The following CACNA2D1 variants were observed in gnomAD, a reference collection of about 807,000 sequenced individuals.
CACNA2D1 encodes voltage-dependent calcium channel subunit alpha-2/delta-1.
In CACNA2D1, 53 loss-of-function variants were observed where a neutral mutation model predicts 171.5. The ratio of observed to expected loss-of-function variants is 0.31; its 90% CI spans 0.25 to 0.39. The LOEUF is 0.39. Ranked by LOEUF, CACNA2D1 falls within the 10% of genes least tolerant of loss-of-function variation. The pLI is 1.00. For synonymous variants in CACNA2D1, 442 were observed against 443.1 expected (o/e 1.00, Z 0.03); for missense variants, 903 against 1,299.8 (o/e 0.69, Z 4.69).
chr7:81,951,971 T>TTTTTTTTTTTTGTTTTG (rs1554321674), intron 38 of CACNA2D1, among the ~76,000 whole-genome samples: 3 of 130,664 alleles, frequency 2.3e-5, no homozygotes, highest in Non-Finnish European at 5.1e-5. Context: ...TACAAAGTGT[T>TTTTTTTTTTTTGTTTTG]TTTTTTTTTT....
At chr7:82,322,268 G>A (rs1305648427) in intron 3 of CACNA2D1, among the ~76,000 whole-genome samples, 1 of 150,562 alleles carries the variant, frequency 6.6e-6, no homozygotes, top group East Asian at 2.0e-4. Context: ...TCAACTGCAA[G>A]AGATGAAAAG....
At chr7:82,346,704 A>C (rs968800920) in intron 2 of CACNA2D1, among the ~76,000 whole-genome samples, 4 of 152,224 alleles carry the variant, frequency 2.6e-5, no homozygotes, top group African/African-American at 9.6e-5. Context: ...TTGAAAAAAA[A>C]AATCAAATGG....
chr7:81,987,250 C>T (rs1797064776), intron 21 of CACNA2D1, among the ~76,000 whole-genome samples: 2 of 152,126 alleles, frequency 1.3e-5, no homozygotes, highest in African/African-American at 4.8e-5. Context: ...AGATCTTTAT[C>T]AACATTCCTA....
At chr7:82,377,775 G>C (rs1335950925) in intron 1 of CACNA2D1, among the ~76,000 whole-genome samples, 1 of 152,270 alleles carries the variant, frequency 6.6e-6, no homozygotes, top group Admixed American at 6.5e-5. Context: ...TGCATAGAGA[G>C]GAAAGCCCAA....
chr7:82,248,374 C>G (rs754292221), intron 3 of CACNA2D1, among the ~76,000 whole-genome samples: 2 of 152,080 alleles, frequency 1.3e-5, no homozygotes, highest in Non-Finnish European at 2.9e-5. Flanking sequence ...GAGAGGACAG[C>G]TCTTTAACCC....
At chr7:82,371,730 A>G (rs1425721164) in intron 1 of CACNA2D1, among the ~76,000 whole-genome samples, 1 of 152,012 alleles carries the variant, frequency 6.6e-6, no homozygotes, top group Non-Finnish European at 1.5e-5. Context: ...GCACACCACC[A>G]TCCCCGGCTA....
rs553231287 is a variant in CACNA2D1, at chr7:82,022,607, C to T, written c.1144-8128G>A. Among the ~76,000 whole-genome samples the T allele has an allele frequency of 3.9e-5, 6 of 151,962 alleles. No homozygotes were observed. In the South Asian group the frequency reaches 8.3e-4, roughly 21 times the overall value. On this transcript the variant is annotated intron_variant, in intron 12 of 38. Coordinates refer to ENST00000356860, the MANE Select transcript of CACNA2D1 (RefSeq NM_000722.4). ...TATTTTCCATGGATTATTTTCCTTA[C>T]TATCTGTTGAAAAACTGACAATGTT...
At chr7:82,335,624 G>A (rs558227436) in intron 2 of CACNA2D1, among the ~76,000 whole-genome samples, 34 of 152,232 alleles carry the variant, frequency 2.2e-4, no homozygotes, top group Admixed American at 9.2e-4. Context: ...AGCATGGGAG[G>A]TCAAACCTGG....
chr7:82,130,298 CTT>C (rs1344371847), intron 5 of CACNA2D1, among the ~76,000 whole-genome samples: 5 of 152,062 alleles, frequency 3.3e-5, no homozygotes, highest in African/African-American at 1.2e-4. Context: ...GAAGGAGAAA[CTT>C]TCATTTCACT....
At chr7:81,965,518 C>G in intron 32 of CACNA2D1, 76 bp downstream of exon 32, 1 of 817,048 alleles carries the variant, frequency 1.2e-6, no homozygotes, top group Non-Finnish European at 2.2e-6. Context: ...TTCTAAAACA[C>G]TGAAAGAGGT....
chr7:82,080,051 A>ACG (rs1323245650), intron 7 of CACNA2D1, among the ~76,000 whole-genome samples: 2 of 54,798 alleles, frequency 3.6e-5, no homozygotes, highest in Non-Finnish European at 7.4e-5. Flanking sequence ...AAAAATATAT[A>ACG]TGTGTGTATA....
At chr7:82,288,135 C>T (rs974261738) in intron 3 of CACNA2D1, among the ~76,000 whole-genome samples, 3 of 151,892 alleles carry the variant, frequency 2.0e-5, no homozygotes, top group East Asian at 3.9e-4. Context: ...CCACCGCGCC[C>T]GGCCCCAAGT....
intron 3 of CACNA2D1, among the ~76,000 whole-genome samples, chr7:82,268,070 T>C (rs117099940): frequency 7.0e-4 from 106 of 152,236 alleles, no homozygotes; most frequent in Admixed American, 4.0e-3. Flanking sequence ...AAATAAAGAA[T>C]TAACAATTAT....
intron 10 of CACNA2D1, among the ~76,000 whole-genome samples, chr7:82,041,044 C>G (rs913802611): frequency 2.6e-5 from 1 of 39,194 alleles, no homozygotes; most frequent in African/African-American, 1.1e-4. Flanking sequence ...TGTAGGCAGC[C>G]TTGGGTTGGG....
chr7:82,349,747 T>C (rs1819632030), intron 1 of CACNA2D1, 98 bp from the exon 2 acceptor site: 1 of 975,068 alleles, frequency 1.0e-6, no homozygotes, highest in African/African-American at 1.6e-5. Flanking sequence ...TTCATTAAAA[T>C]GCCCTTAAAT....
intron 21 of CACNA2D1, among the ~76,000 whole-genome samples, chr7:81,985,196 CTTTTTT>C (rs774555240): frequency 1.9e-5 from 2 of 104,190 alleles, no homozygotes; most frequent in Non-Finnish European, 1.8e-5. Flanking sequence ...ATTATCATTA[CTTTTTT>C]TTTTTTTTTT....
At chr7:82,182,491 A>C (rs1033825179) in intron 3 of CACNA2D1, among the ~76,000 whole-genome samples, 9 of 152,138 alleles carry the variant, frequency 5.9e-5, no homozygotes, top group Non-Finnish European at 1.5e-5. Context: ...CATAATGAAC[A>C]AAAAACTGTA....
chr7:82,272,301 A>G (rs1159269363), intron 3 of CACNA2D1, among the ~76,000 whole-genome samples: 1 of 152,176 alleles, frequency 6.6e-6, no homozygotes, highest in Non-Finnish European at 1.5e-5. Context: ...CAGTCATCCA[A>G]TAGTAATAAT....
intron 4 of CACNA2D1, among the ~76,000 whole-genome samples, chr7:82,158,293 T>C (rs1794577141): frequency 1.3e-5 from 2 of 151,922 alleles, no homozygotes; most frequent in African/African-American, 4.8e-5. Flanking sequence ...TAATAGTTCA[T>C]ATGTATTCAC....
Sources: gnomAD v4.1 joint callset for allele counts (sites outside exome capture counted in the v4.1 genomes callset) on GRCh38, gnomAD v4.1.1 for gene constraint, MANE v1.5 for transcripts, NCBI Gene and HGNC (gene_info 2026-07-23, HGNC 2026-07-21) for gene names.